Variants in CADPS2 observed in about 807,000 individuals in gnomAD.
The protein encoded by CADPS2 is calcium dependent secretion activator 2.
CADPS2 carries 93 observed loss-of-function variants against 172.5 expected under a neutral mutation model. That is an observed-to-expected ratio of 0.54 (90% CI 0.46 to 0.64). CADPS2 has a LOEUF of 0.64. CADPS2 is among the 30% of genes least tolerant of loss of function. CADPS2 has a pLI of 0.00. For synonymous variants in CADPS2, 546 were observed against 555.2 expected (o/e 0.98, Z 0.23); for missense variants, 1,420 against 1,565.9 (o/e 0.91, Z 1.57).
intron 7 of CADPS2, among the ~76,000 whole-genome samples, chr7:122,580,672 T>A (rs574206100): frequency 6.6e-6 from 1 of 152,214 alleles, no homozygotes; most frequent in South Asian, 2.1e-4. Flanking sequence ...AAGAGGTGAC[T>A]ATAGGAAAAG....
intron 8 of CADPS2, among the ~76,000 whole-genome samples, chr7:122,542,759 G>A (rs1422159778): frequency 6.6e-6 from 1 of 151,640 alleles, no homozygotes; most frequent in East Asian, 1.9e-4. Context: ...CATCAGTCTA[G>A]AATCTCTCTG....
At chr7:122,754,559 GTCCGCCTCCCAGGTTCAGTTGAGTC>G (rs2093081059) in intron 1 of CADPS2, among the ~76,000 whole-genome samples, 1 of 151,986 alleles carries the variant, frequency 6.6e-6, no homozygotes, top group Non-Finnish European at 1.5e-5. Context: ...TCACTGCAAC[GTCCGCCTCCCAGGTTCAGTTGAGTC>G]TCCTGCCTCA....
In CADPS2 at chr7:122,443,956, CAAGTT is replaced by C. The variant is rs2051752728; in HGVS notation, c.2289-2386_2289-2382del. On this transcript the variant is annotated intron_variant, in intron 15 of 29. Transcript: ENST00000449022. ...ATATGCATATACTTGTGACTATAATCAAGTTAACTCATGGCCTGCAAGTCTTCCCC... is the reference window on the plus strand; with the variant it reads ...ATATGCATATACTTGTGACTATAATCAACTCATGGCCTGCAAGTCTTCCCC... Among the ~76,000 whole-genome samples the C allele has an allele frequency of 3.3e-5, 5 of 152,034 alleles. No individual in the cohort carries two copies. In the South Asian group the frequency reaches 1.0e-3, roughly 31 times the overall value.
intron 17 of CADPS2, among the ~76,000 whole-genome samples, chr7:122,434,270 T>C (rs2050358730): frequency 6.6e-6 from 1 of 152,182 alleles, no homozygotes; most frequent in South Asian, 2.1e-4. Context: ...GGTGTGTTCT[T>C]TCTCCTCTTC....
At chr7:122,742,297 A>C (rs1389905406) in intron 1 of CADPS2, among the ~76,000 whole-genome samples, 1 of 152,022 alleles carries the variant, frequency 6.6e-6, no homozygotes, top group African/African-American at 2.4e-5. Flanking sequence ...TGGGAGGCTG[A>C]GGCAGGAGAA....
intron 8 of CADPS2, among the ~76,000 whole-genome samples, chr7:122,548,836 C>T (rs1000185720): frequency 1.3e-5 from 2 of 152,078 alleles, no homozygotes; most frequent in South Asian, 2.1e-4. Context: ...GTAATATTTT[C>T]ATTTTTCTCC....
chr7:122,581,965 C>T (rs2068888356), intron 6 of CADPS2, among the ~76,000 whole-genome samples: 1 of 152,000 alleles, frequency 6.6e-6, no homozygotes, highest in Non-Finnish European at 1.5e-5. Flanking sequence ...TAGCATCTTG[C>T]CTTTATTGCA....
chr7:122,499,154 G>T (rs887550212), intron 9 of CADPS2, among the ~76,000 whole-genome samples: 1 of 152,200 alleles, frequency 6.6e-6, no homozygotes, highest in African/African-American at 2.4e-5. Flanking sequence ...CATATTCAGA[G>T]CTTCAGCTCA....
intron 1 of CADPS2, among the ~76,000 whole-genome samples, chr7:122,864,016 C>T (rs971105927): frequency 2.6e-5 from 4 of 151,498 alleles, no homozygotes; most frequent in African/African-American, 9.7e-5. Context: ...GGTGACAGGG[C>T]GAGATTCCGT....
intron 6 of CADPS2, among the ~76,000 whole-genome samples, chr7:122,609,769 C>T (rs755281915): frequency 6.6e-6 from 1 of 152,050 alleles, no homozygotes; most frequent in Non-Finnish European, 1.5e-5. Flanking sequence ...ATTGGAAATA[C>T]GGACTAAATA....
chr7:122,646,885 T>G (rs2471194), intron 3 of CADPS2, among the ~76,000 whole-genome samples: 118,444 of 151,936 alleles, frequency 0.78, 46,627 homozygotes, highest in Middle Eastern at 0.92. Flanking sequence ...CTATGGCAAT[T>G]GCTATGAAAT....
intron 9 of CADPS2, among the ~76,000 whole-genome samples, chr7:122,502,581 T>A (rs2059291108): frequency 6.6e-6 from 1 of 152,104 alleles, no homozygotes; most frequent in South Asian, 2.1e-4. Flanking sequence ...GTTTTATTGT[T>A]CCATTCATTA....
At position 122,361,016 on chromosome 7, in the gene CADPS2, A is replaced by G. The variant is rs2040050786; in HGVS notation, c.3388-3T>C. Reference sequence around the variant, plus strand: ...ACGCCTTCCAACACTGAAACAAACTATAATACAGTTATAGTGAGTATTTAG... The same window carrying G: ...ACGCCTTCCAACACTGAAACAAACTGTAATACAGTTATAGTGAGTATTTAG... On this transcript the variant is annotated splice_region_variant and splice_polypyrimidine_tract_variant and intron_variant, in intron 25 of 29. Transcript: ENST00000449022. 6.2e-7 allele frequency: 1 copy of G among 1,611,202 alleles called. No homozygotes were observed. The highest frequency in any genetic ancestry group is 1.1e-5 in the South Asian group (1 of 90,952).
intron 28 of CADPS2, among the ~76,000 whole-genome samples, chr7:122,344,929 G>A (rs949954519): frequency 6.6e-6 from 1 of 152,056 alleles, no homozygotes; most frequent in South Asian, 2.1e-4. Context: ...ACAGGAATTG[G>A]AAATGGGGAA....
At chr7:122,866,753 A>C (rs1431979322) in intron 1 of CADPS2, among the ~76,000 whole-genome samples, 1 of 152,308 alleles carries the variant, frequency 6.6e-6, no homozygotes, top group East Asian at 1.9e-4. Context: ...GGCACTGTCT[A>C]TTCTCAGATC....
chr7:122,805,722 G>T (rs1342579435), intron 1 of CADPS2, among the ~76,000 whole-genome samples: 1 of 152,144 alleles, frequency 6.6e-6, no homozygotes, highest in Non-Finnish European at 1.5e-5. Flanking sequence ...CTGGTGAAAG[G>T]CCAATGCTGG....
chr7:122,857,680 G>A (rs1815692835), intron 1 of CADPS2, among the ~76,000 whole-genome samples: 1 of 152,142 alleles, frequency 6.6e-6, no homozygotes, highest in African/African-American at 2.4e-5. Flanking sequence ...AGCCGCTGTG[G>A]AAGATGACAA....
chr7:122,705,483 ATT>A (rs2086861798), intron 2 of CADPS2, among the ~76,000 whole-genome samples: 1 of 128,336 alleles, frequency 7.8e-6, no homozygotes, highest in African/African-American at 2.9e-5. Context: ...ATATATTTAT[ATT>A]ATATATTATC....
rs552205668 is a variant in CADPS2, at chr7:122,629,224, A to G, written c.867+24T>C. ...CTAGGTAAAGAAAGGAATGTCATAC[A>G]GTATGTCCAAGTTAATAATTTACCT... On this transcript the variant is annotated intron_variant, in intron 4 of 29. Transcript: ENST00000449022. 4.6e-4 allele frequency: 719 copies of G among 1,572,254 alleles called. 10 individuals are homozygous for G. The South Asian group carries it at 7.9e-3, about 17-fold the overall frequency.
Sources: gnomAD v4.1 joint callset for allele counts (sites outside exome capture counted in the v4.1 genomes callset) on GRCh38, gnomAD v4.1.1 for gene constraint, MANE v1.5 for transcripts, NCBI Gene and HGNC (gene_info 2026-07-23, HGNC 2026-07-21) for gene names.